The following FBLN2 variants were observed in gnomAD, a reference collection of about 807,000 sequenced individuals.
FBLN2 encodes fibulin-2.
In FBLN2, 81 loss-of-function variants were observed where a neutral mutation model predicts 123.7. The observed-to-expected ratio is 0.65, with a 90% CI of 0.55 to 0.79. The LOEUF is 0.79. Ranked by LOEUF, FBLN2 falls within the 30% of genes least tolerant of loss-of-function variation. The pLI, the probability that FBLN2 is intolerant of heterozygous loss-of-function variation, is 0.00. For synonymous variants in FBLN2, 699 were observed against 701.4 expected (o/e 1.00, Z 0.05); for missense variants, 1,603 against 1,681.3 (o/e 0.95, Z 0.81).
intron 2 of FBLN2, among the ~76,000 whole-genome samples, chr3:13,589,545 G>C (rs1704606726): frequency 6.6e-6 from 1 of 152,092 alleles, no homozygotes; most frequent in South Asian, 2.1e-4. Context: ...GGGGGAAGGG[G>C]GCTCAGTGAA....
intron 2 of FBLN2, among the ~76,000 whole-genome samples, chr3:13,577,187 C>A (rs1704175407): frequency 6.7e-6 from 1 of 148,826 alleles, no homozygotes; most frequent in African/African-American, 2.5e-5. Flanking sequence ...TGCGCCACCG[C>A]ACTCCAGCCT....
intron 2 of FBLN2, among the ~76,000 whole-genome samples, chr3:13,596,757 GTC>G (rs1371452740): frequency 9.2e-5 from 14 of 151,602 alleles, no homozygotes; most frequent in African/African-American, 3.1e-4. Context: ...TCCATTTTCT[GTC>G]TCTATGAATT....
At chr3:13,574,543 G>T (rs1704071136) in intron 2 of FBLN2, among the ~76,000 whole-genome samples, 1 of 152,200 alleles carries the variant, frequency 6.6e-6, no homozygotes, top group African/African-American at 2.4e-5. Flanking sequence ...GGCCGAGGCA[G>T]TCTGGATCCC....
intron 2 of FBLN2, among the ~76,000 whole-genome samples, chr3:13,601,278 C>T (rs1046296857): frequency 5.3e-4 from 81 of 152,298 alleles, no homozygotes; most frequent in African/African-American, 1.9e-3. Context: ...AGGAAGGATT[C>T]GGTCCTGTAG....
intron 2 of FBLN2, among the ~76,000 whole-genome samples, chr3:13,577,879 G>T (rs1009763571): frequency 7.2e-5 from 11 of 152,240 alleles, no homozygotes; most frequent in African/African-American, 2.4e-4. Flanking sequence ...GTTTCACCCT[G>T]TGGCAACCTG....
At chr3:13,605,437 A>G (rs898671404) in intron 2 of FBLN2, among the ~76,000 whole-genome samples, 9 of 152,128 alleles carry the variant, frequency 5.9e-5, no homozygotes, top group Non-Finnish European at 7.4e-5. Context: ...TTAAATTTGT[A>G]TAGTAGAACT....
At chr3:13,597,738 A>G (rs1288977463) in intron 2 of FBLN2, among the ~76,000 whole-genome samples, 1 of 152,226 alleles carries the variant, frequency 6.6e-6, no homozygotes, top group Non-Finnish European at 1.5e-5. Flanking sequence ...GTGGTTTTCC[A>G]GAGTGGACCT....
rs150691620 is a variant in FBLN2, at chr3:13,600,015, G to A, written c.1307-8047G>A. ...TGGTGCTCAGGAAGTTAAAAAACAC[G>A]ACAGAGAGAGAGAGAGAGAGAGAGA... On this transcript the variant is annotated intron_variant, in intron 2 of 17. Coordinates refer to ENST00000404922, the MANE Select transcript of FBLN2 (RefSeq NM_001004019.2). 1.2e-3 allele frequency among the ~76,000 whole-genome samples: 160 copies of A among 129,358 alleles called. 1 individual carries two copies. Among genetic ancestry groups the A allele is most frequent in the South Asian group, 2.3e-3 (10 of 4,262 alleles). The allele number at this position is 129,358 out of a possible 152,430, so 84.9% of individuals were successfully genotyped here. A position where few individuals can be genotyped will look rare whatever the true frequency, so the allele number is the denominator to read the frequency against.
At chr3:13,552,462 C>A (rs866573392) in intron 1 of FBLN2, among the ~76,000 whole-genome samples, 5 of 152,126 alleles carry the variant, frequency 3.3e-5, no homozygotes, top group South Asian at 2.1e-4. Flanking sequence ...CTCTGTCATC[C>A]AGTTTCCTTC....
chr3:13,575,474 G>A (rs1359580396), intron 2 of FBLN2, among the ~76,000 whole-genome samples: 1 of 152,116 alleles, frequency 6.6e-6, no homozygotes, highest in Non-Finnish European at 1.5e-5. Flanking sequence ...GGGCCTTTGC[G>A]TTTGCTGGGT....
In FBLN2 at chr3:13,637,818, C is replaced by T. The variant is rs373305821; in HGVS notation, c.3595C>T (p.Arg1199Trp). Reference protein sequence around the residue: ...VYLQRAVLEPRDFALDVEMKL... With the variant: ...VYLQRAVLEPWDFALDVEMKL... ...CCTGCAGCGGGCCGTGCTGGAGCCC[C>T]GGGACTTTGCCCTGGACGTGGAGAT... is the stretch of plus-strand genomic sequence containing the variant. Residue 1199 changes from arginine (R) to tryptophan (W), a missense_variant, in exon 18 of 18, where the codon CGG becomes TGG. Physicochemically the swap from Arg to Trp is moderately radical, Grantham distance 101. Coordinates refer to ENST00000404922, the MANE Select transcript of FBLN2 (RefSeq NM_001004019.2). The T allele has an allele frequency of 9.1e-5, 147 of 1,613,766 alleles. No individual in the cohort carries two copies. Among genetic ancestry groups the T allele is most frequent in the East Asian group, 3.6e-4 (16 of 44,878 alleles).
At chr3:13,608,693 C>T (rs1371537530) in intron 3 of FBLN2, among the ~76,000 whole-genome samples, 2 of 152,156 alleles carry the variant, frequency 1.3e-5, no homozygotes, top group African/African-American at 2.4e-5. Context: ...TTTCCAGGCC[C>T]AGGAGAGCTC....
intron 1 of FBLN2, among the ~76,000 whole-genome samples, chr3:13,549,868 C>G (rs1212146382): frequency 2.6e-5 from 4 of 152,166 alleles, no homozygotes; most frequent in East Asian, 1.9e-4. Flanking sequence ...ACACAATGCT[C>G]CACACACACA....
In FBLN2 at chr3:13,571,560, C is replaced by T; in HGVS notation, c.1205C>T (p.Thr402Ile). ...SLPDAAWIPP[T>I]REVPRKPQVL... ...CCTGATGCAGCCTGGATCCCACCCA[C>T]CCGAGAAGTGCCCAGGAAGCCGCAA... Residue 402 changes from threonine (T) to isoleucine (I), a missense_variant, in exon 2 of 18, where the codon ACC (threonine) becomes ATC (isoleucine). Coordinates refer to ENST00000404922, the MANE Select transcript of FBLN2 (RefSeq NM_001004019.2). 1 of 1,613,582 alleles carries T rather than the reference C, an allele frequency of 6.2e-7. No homozygotes were observed. Among genetic ancestry groups the T allele is most frequent in the Non-Finnish European group, 8.5e-7 (1 of 1,179,824 alleles).
chr3:13,627,873 G>A lies in FBLN2; in HGVS notation c.2473G>A (p.Gly825Ser), dbSNP rs756237889. 5 of 1,613,766 alleles carry A rather than the reference G, an allele frequency of 3.1e-6. No homozygotes were observed. Among genetic ancestry groups the A allele is most frequent in the Non-Finnish European group, 4.2e-6 (5 of 1,179,856 alleles). The stretch of plus-strand genomic sequence containing the variant: ...GATGGGCACGCACACCTGCCAGCCG[G>A]GCTTCTTGTGCCAGAACACCAAGGG... ...CAMGTHTCQP[G>S]FLCQNTKGSF... The change falls in exon 11 of 18, where the codon GGC (glycine) becomes AGC (serine). Residue 825 changes from glycine to serine, a missense_variant. By Grantham distance (56) the Gly-to-Ser change is moderately conservative. Transcript: ENST00000404922.
In FBLN2 at chr3:13,610,897, A is replaced by AATTATTATTATT. The variant is rs112793079; in HGVS notation, c.1548+1274_1548+1285dup. Among the ~76,000 whole-genome samples the AATTATTATTATT allele has an allele frequency of 7.2e-3, 1,041 of 144,818 alleles. 17 individuals are homozygous for AATTATTATTATT. Among genetic ancestry groups the AATTATTATTATT allele is most frequent in the African/African-American group, 0.025 (937 of 38,168 alleles). ...GGGGCAGGAGAGCCCCCTTGTTTTA[A>AATTATTATTATT]ATTATTATTATTATTATTATTATTA... is the stretch of plus-strand genomic sequence containing the variant. On this transcript the variant is annotated intron_variant, in intron 4 of 17. Coordinates refer to ENST00000404922, the MANE Select transcript of FBLN2 (RefSeq NM_001004019.2).
chr3:13,597,590 AG>A (rs1305106422), intron 2 of FBLN2, among the ~76,000 whole-genome samples: 1 of 152,166 alleles, frequency 6.6e-6, no homozygotes, highest in Non-Finnish European at 1.5e-5. Flanking sequence ...GGTGGCAGTG[AG>A]GTGGCTGGCA....
Position 13,614,635 on chromosome 3 carries a change from T to TATCCATCCATCCATCC in FBLN2, c.1729+493_1729+508dup, listed in dbSNP as rs375890094. Among the ~76,000 whole-genome samples the TATCCATCCATCCATCC allele has an allele frequency of 2.3e-3, 305 of 131,900 alleles. 5 individuals are homozygous for TATCCATCCATCCATCC. The highest frequency in any genetic ancestry group is 3.8e-3 in the Non-Finnish European group (240 of 62,704). The allele number at this position is 131,900 out of a possible 152,430, so 86.5% of individuals were successfully genotyped here. On this transcript the variant is annotated intron_variant, in intron 5 of 17. Transcript: ENST00000404922. ...CCATCCACCCACCTACCCACCCAAT[T>TATCCATCCATCCATCC]ATCCATCCATCCATCCATCCATCCA...
At position 13,571,298 on chromosome 3, in the gene FBLN2, C is replaced by T. The variant is rs746733242; in HGVS notation, c.943C>T (p.Pro315Ser). 1.3e-6 allele frequency: 2 copies of T among 1,585,126 alleles called. No individual in the cohort carries two copies. Among genetic ancestry groups the T allele is most frequent in the South Asian group, 1.2e-5 (1 of 86,838 alleles). ...DGLPTTAPAG[P>S]SLPIQEERAE... ...GCTGCCCACTACAGCCCCAGCTGGACCCAGTCTTCCTATCCAGGAGGAGAG... is the reference window on the plus strand; with the variant it reads ...GCTGCCCACTACAGCCCCAGCTGGATCCAGTCTTCCTATCCAGGAGGAGAG... The change falls in exon 2 of 18, where the codon CCC becomes TCC. Residue 315 changes from proline (P) to serine (S), a missense_variant. By Grantham distance (74) the Pro-to-Ser change is moderately conservative. Transcript: ENST00000404922.
Sources: allele counts gnomAD v4.1 joint callset (sites outside exome capture counted in the v4.1 genomes callset), GRCh38; gene constraint gnomAD v4.1.1; transcripts MANE v1.5; gene names NCBI Gene and HGNC (gene_info 2026-07-23, HGNC 2026-07-21).